Variants in FNDC3B observed in about 807,000 individuals in gnomAD.
The protein encoded by FNDC3B is fibronectin type III domain containing 3B.
Under a neutral mutation model 151.5 loss-of-function variants are expected in FNDC3B, and 12 were observed. The ratio of observed to expected loss-of-function variants is 0.08; its 90% CI spans 0.05 to 0.13. FNDC3B has a LOEUF of 0.13. Ranked by LOEUF, FNDC3B falls within the 10% of genes least tolerant of loss-of-function variation. The probability of loss-of-function intolerance (pLI) is 1.00; values close to 1 mark genes in which losing one functional copy is unlikely to be tolerated. For missense variants in FNDC3B, 1,214 were observed against 1,505.3 expected, an observed-to-expected ratio of 0.81 and a Z score of 3.20; for synonymous variants, 528 against 549.0, an observed-to-expected ratio of 0.96 and a Z score of 0.54.
At position 172,399,216 on chromosome 3, in the gene FNDC3B, A is replaced by G. The variant is rs929573888; in HGVS notation, c.*1741A>G. 2 of 152,626 alleles carry G rather than the reference A, an allele frequency of 1.3e-5. No homozygotes were observed. Among genetic ancestry groups the G allele is most frequent in the Non-Finnish European group, 2.9e-5 (2 of 68,034 alleles). 9.5% of individuals were successfully genotyped at this position (152,626 alleles called of 1,614,324 possible). A position where few individuals can be genotyped will look rare whatever the true frequency, so the allele number is the denominator to read the frequency against. Reference sequence around the variant, plus strand: ...TTACAGTGCAATCTTTATTTATTGTAAAATTTTTTAAGTGTACTTATGTAC... The same window carrying G: ...TTACAGTGCAATCTTTATTTATTGTGAAATTTTTTAAGTGTACTTATGTAC... On this transcript the variant is annotated 3_prime_UTR_variant, in exon 26 of 26. Coordinates refer to ENST00000415807, the MANE Select transcript of FNDC3B (RefSeq NM_022763.4).
At chr3:172,131,604 G>A (rs1721104977) in intron 2 of FNDC3B, among the ~76,000 whole-genome samples, 1 of 152,168 alleles carries the variant, frequency 6.6e-6, no homozygotes, top group East Asian at 1.9e-4. Context: ...CAAGGGTGAA[G>A]CTTAGTCTGA....
At chr3:172,353,718 A>G (rs912410042) in intron 22 of FNDC3B, among the ~76,000 whole-genome samples, 2 of 152,228 alleles carry the variant, frequency 1.3e-5, no homozygotes, top group Non-Finnish European at 1.5e-5. Context: ...TGTAGGAACT[A>G]TGGAAAGGTG....
intron 16 of FNDC3B, among the ~76,000 whole-genome samples, chr3:172,339,710 T>C (rs960042314): frequency 6.6e-6 from 1 of 152,236 alleles, no homozygotes; most frequent in South Asian, 2.1e-4. Flanking sequence ...TGGCTCCCTT[T>C]AGCTACTGAT....
chr3:172,086,976 G>A (rs1290124569), intron 1 of FNDC3B, among the ~76,000 whole-genome samples: 1 of 152,162 alleles, frequency 6.6e-6, no homozygotes, highest in Non-Finnish European at 1.5e-5. Flanking sequence ...CACCACAGGT[G>A]GTGAGTTCCT....
rs116633453 is a variant in FNDC3B, at chr3:172,294,750, A to C, written c.850-613A>C. Among the ~76,000 whole-genome samples, 983 of 152,356 alleles carry C rather than the reference A, an allele frequency of 6.5e-3. 5 individuals are homozygous for C. Among genetic ancestry groups the C allele is most frequent in the Non-Finnish European group, 1.0e-2 (677 of 68,024 alleles). On this transcript the variant is annotated intron_variant, in intron 7 of 25. Transcript: ENST00000415807. ...AAAACATGCCTCAGAGTAGTATTTT[A>C]AGAAGGTTCTGGGTATTTTAAGTCC... is the stretch of plus-strand genomic sequence containing the variant.
intron 23 of FNDC3B, among the ~76,000 whole-genome samples, chr3:172,370,145 A>AGG (rs10629195): frequency 0.012 from 1,752 of 152,276 alleles, 35 homozygotes; most frequent in African/African-American, 0.039. Flanking sequence ...TAGTTGGCCT[A>AGG]GGGATTATAA....
intron 2 of FNDC3B, among the ~76,000 whole-genome samples, chr3:172,117,425 AT>A (rs989521076): frequency 2.0e-5 from 3 of 152,192 alleles, no homozygotes; most frequent in African/African-American, 7.2e-5. Context: ...CATTTTAGCG[AT>A]TTTAAAATGT....
At chr3:172,150,446 C>G (rs921203863) in intron 3 of FNDC3B, among the ~76,000 whole-genome samples, 1 of 151,948 alleles carries the variant, frequency 6.6e-6, no homozygotes, top group African/African-American at 2.4e-5. Context: ...CCCCATCCCC[C>G]ATGCGTACAC....
chr3:172,124,337 C>T (rs115366883), intron 2 of FNDC3B, among the ~76,000 whole-genome samples: 2,674 of 152,338 alleles, frequency 0.018, 42 homozygotes, highest in Middle Eastern at 0.068. Context: ...GTGATCTTCC[C>T]GCCTTGGCCT....
chr3:172,116,532 AT>A (rs1187280930), intron 2 of FNDC3B, among the ~76,000 whole-genome samples: 1 of 151,346 alleles, frequency 6.6e-6, no homozygotes, highest in East Asian at 1.9e-4. Context: ...ATTACATAAC[AT>A]TTGGTCTTTT....
At chr3:172,256,109 A>G (rs1728325787) in intron 6 of FNDC3B, among the ~76,000 whole-genome samples, 1 of 152,242 alleles carries the variant, frequency 6.6e-6, no homozygotes, top group African/African-American at 2.4e-5. Flanking sequence ...TCTAAACTGC[A>G]TGATATGACA....
chr3:172,167,654 G>T (rs776425043), intron 3 of FNDC3B, among the ~76,000 whole-genome samples: 2 of 152,278 alleles, frequency 1.3e-5, no homozygotes, highest in Non-Finnish European at 2.9e-5. Context: ...GCCATGGATG[G>T]TACCTGTCTG....
At position 172,397,748 on chromosome 3, in the gene FNDC3B, T is replaced by C. The variant is rs1032170451; in HGVS notation, c.*273T>C. 24 of 223,288 alleles carry C rather than the reference T, an allele frequency of 1.1e-4. No individual in the cohort carries two copies. Among genetic ancestry groups the C allele is most frequent in the Admixed American group, 6.2e-4 (11 of 17,780 alleles). 13.8% of individuals were successfully genotyped at this position (223,288 alleles called of 1,614,324 possible). A position where few individuals can be genotyped will look rare whatever the true frequency, so the allele number is the denominator to read the frequency against. ...TAGCTTTCTTATGTTTTCCTTTAAA[T>C]TTTCAGATTTACCTTCATTCTGTTT... On this transcript the variant is annotated 3_prime_UTR_variant, in exon 26 of 26. Coordinates refer to ENST00000415807, the MANE Select transcript of FNDC3B (RefSeq NM_022763.4).
At chr3:172,328,905 G>GTTT (rs201161345) in intron 11 of FNDC3B, 47 bp from the exon 12 acceptor site, 2,482 of 1,105,800 alleles carry the variant, frequency 2.2e-3, no homozygotes, top group Middle Eastern at 5.2e-3. Flanking sequence ...GTTATCTGTT[G>GTTT]TTTTTTTTTT....
chr3:172,197,394 A>G (rs993244540), intron 3 of FNDC3B, among the ~76,000 whole-genome samples: 3 of 152,160 alleles, frequency 2.0e-5, no homozygotes, highest in Admixed American at 1.3e-4. Context: ...CTTGATGCCC[A>G]TCAACCCTGA....
At chr3:172,053,036 TCA>T (rs1716743977) in intron 1 of FNDC3B, among the ~76,000 whole-genome samples, 1 of 152,208 alleles carries the variant, frequency 6.6e-6, no homozygotes, top group African/African-American at 2.4e-5. Flanking sequence ...TTTCCAGCAC[TCA>T]CTACTTGCCA....
chr3:172,107,348 T>G (rs773633941), intron 1 of FNDC3B, among the ~76,000 whole-genome samples: 1 of 152,124 alleles, frequency 6.6e-6, no homozygotes, highest in Non-Finnish European at 1.5e-5. Flanking sequence ...GACAAATAAA[T>G]GCGTTGTAGT....
At chr3:172,124,007 C>T (rs962779786) in intron 2 of FNDC3B, among the ~76,000 whole-genome samples, 7 of 152,172 alleles carry the variant, frequency 4.6e-5, no homozygotes, top group African/African-American at 9.7e-5. Flanking sequence ...TTACTTCCCA[C>T]GGTCTCTTGC....
Position 172,250,306 on chromosome 3 carries a change from T to C in FNDC3B, c.509-954T>C, listed in dbSNP as rs374520873. Among the ~76,000 whole-genome samples the C allele has an allele frequency of 2.0e-5, 3 of 152,352 alleles. No homozygotes were observed. In the South Asian group the frequency reaches 6.2e-4, roughly 32 times the overall value. ...AGAAGTTTGAGACCACAGCTTATTA[T>C]GTTTGGCACCAGATTTCAGAGATGG... On this transcript the variant is annotated intron_variant, in intron 5 of 25. Transcript: ENST00000415807.
Sources: gnomAD v4.1 joint callset for allele counts (sites outside exome capture counted in the v4.1 genomes callset) on GRCh38, gnomAD v4.1.1 for gene constraint, MANE v1.5 for transcripts, NCBI Gene and HGNC (gene_info 2026-07-23, HGNC 2026-07-21) for gene names.